Variants in PLCB4 observed in about 807,000 individuals in gnomAD.
PLCB4 encodes 1-phosphatidylinositol 4,5-bisphosphate phosphodiesterase beta-4.
A neutral mutation model predicts 178.8 loss-of-function variants in PLCB4; 77 were observed. The observed-to-expected ratio is 0.43, with a 90% CI of 0.36 to 0.52. PLCB4 has a LOEUF of 0.52. Among genes scored for constraint, PLCB4 ranks in the 20% least tolerant of loss-of-function variants. PLCB4 has a pLI of 0.00. For synonymous variants in PLCB4, 496 were observed against 490.8 expected (o/e 1.01, Z -0.14); for missense variants, 1,024 against 1,453.4 (o/e 0.70, Z 4.80).
chr20:9,098,741 A>ATGTGTGAG (rs2091021207), intron 2 of PLCB4, among the ~76,000 whole-genome samples: 1 of 135,466 alleles, frequency 7.4e-6, no homozygotes, highest in Admixed American at 7.8e-5. Flanking sequence ...ATATACATAT[A>ATGTGTGAG]TGTGTGTGTG....
At chr20:9,159,128 G>T (rs1349149411) in intron 2 of PLCB4, among the ~76,000 whole-genome samples, 4 of 152,136 alleles carry the variant, frequency 2.6e-5, no homozygotes, top group African/African-American at 4.8e-5. Flanking sequence ...GTCTCTAGAA[G>T]GCCAGTTTAG....
In PLCB4 at chr20:9,366,771, A is replaced by G. The variant is rs565693843; in HGVS notation, c.503+1257A>G. On this transcript the variant is annotated intron_variant, in intron 9 of 39. Coordinates refer to ENST00000378473, the MANE Select transcript of PLCB4 (RefSeq NM_001377142.1). ...TTCGTGAACCTAAGCCCACAACCAG[A>G]ATCAAACATGGGTTCCCCAGATGCC... Among the ~76,000 whole-genome samples the G allele has an allele frequency of 8.5e-5, 13 of 152,342 alleles. No homozygotes were observed. The South Asian group carries it at 2.7e-3, about 32-fold the overall frequency.
intron 2 of PLCB4, among the ~76,000 whole-genome samples, chr20:9,130,342 C>T (rs1466614301): frequency 6.6e-6 from 1 of 152,154 alleles, no homozygotes; most frequent in African/African-American, 2.4e-5. Context: ...CCACACTCCC[C>T]ACACCAAAAA....
intron 2 of PLCB4, among the ~76,000 whole-genome samples, chr20:9,106,029 C>T (rs1025838250): frequency 5.9e-5 from 9 of 151,958 alleles, no homozygotes; most frequent in Admixed American, 6.6e-5. Context: ...GAGCATATAC[C>T]GGGAAAACAT....
At chr20:9,174,244 T>C (rs1030556492) in intron 2 of PLCB4, among the ~76,000 whole-genome samples, 11 of 151,954 alleles carry the variant, frequency 7.2e-5, no homozygotes, top group African/African-American at 2.2e-4. Context: ...CTTCAAGGAA[T>C]CCTCCTCCCT....
At chr20:9,250,819 G>A (rs148787753) in intron 3 of PLCB4, among the ~76,000 whole-genome samples, 1 of 152,128 alleles carries the variant, frequency 6.6e-6, no homozygotes, top group African/African-American at 2.4e-5. Context: ...TAGGCCATCA[G>A]GTGTTCTGTT....
chr20:9,232,576 T>C (rs1460408588), intron 3 of PLCB4, among the ~76,000 whole-genome samples: 1 of 152,132 alleles, frequency 6.6e-6, no homozygotes, highest in African/African-American at 2.4e-5. Flanking sequence ...TAGGAATTCT[T>C]CAACAGAAGT....
At chr20:9,439,937 G>T (rs1365093063) in intron 30 of PLCB4, among the ~76,000 whole-genome samples, 4 of 152,182 alleles carry the variant, frequency 2.6e-5, no homozygotes, top group Non-Finnish European at 5.9e-5. Flanking sequence ...AGGTTGTCTG[G>T]GTGGCTTTTC....
In PLCB4 at chr20:9,479,201, G is replaced by A. The variant is rs2044748791; in HGVS notation, c.*192G>A. ...GCATTTCCTTGGCCAAACAAAAATA[G>A]CTACAAATCCACAAAAATTTACTAT... On this transcript the variant is annotated 3_prime_UTR_variant, in exon 40 of 40. Coordinates refer to ENST00000378473, the MANE Select transcript of PLCB4 (RefSeq NM_001377142.1). The A allele has an allele frequency of 8.7e-6, 5 of 572,128 alleles. No homozygotes were observed. The highest frequency in any genetic ancestry group is 1.3e-5 in the Non-Finnish European group (4 of 319,268). 35.4% of individuals were successfully genotyped at this position (572,128 alleles called of 1,614,324 possible). A position where few individuals can be genotyped will look rare whatever the true frequency, so the allele number is the denominator to read the frequency against.
Position 9,135,665 on chromosome 20 carries a change from T to C in PLCB4, c.-79+39323T>C, listed in dbSNP as rs552887043. 4.7e-4 allele frequency among the ~76,000 whole-genome samples: 72 copies of C among 152,272 alleles called. 1 individual carries two copies. In the South Asian group the frequency reaches 0.014, roughly 29 times the overall value. On this transcript the variant is annotated intron_variant, in intron 2 of 39. Coordinates refer to ENST00000378473, the MANE Select transcript of PLCB4 (RefSeq NM_001377142.1). Reference sequence around the variant, plus strand: ...TTGTGAGTTTTAAAATGATTGGTTATATTTATGCTGTCAAACCTAGAAAAT... The same window carrying C: ...TTGTGAGTTTTAAAATGATTGGTTACATTTATGCTGTCAAACCTAGAAAAT...
At position 9,288,749 on chromosome 20, in the gene PLCB4, G is replaced by A. The variant is rs547723867; in HGVS notation, c.-15-19051G>A. On this transcript the variant is annotated intron_variant, in intron 3 of 39. Coordinates refer to ENST00000378473, the MANE Select transcript of PLCB4 (RefSeq NM_001377142.1). ...AAGGTAGGAGTTACATTCTGGAAAG[G>A]TTAAGAAAGATCAGGATCAACATAA... Among the ~76,000 whole-genome samples the A allele has an allele frequency of 5.9e-5, 9 of 152,108 alleles. No homozygotes were observed. The South Asian group carries it at 1.9e-3, about 32-fold the overall frequency.
chr20:9,427,396 AGAT>A (rs2041095876), intron 28 of PLCB4, among the ~76,000 whole-genome samples: 1 of 152,160 alleles, frequency 6.6e-6, no homozygotes, highest in Admixed American at 6.5e-5. Flanking sequence ...CATTTAGGAC[AGAT>A]GATTAGGAAT....
intron 12 of PLCB4, among the ~76,000 whole-genome samples, chr20:9,379,647 ATATTACC>A (rs1276474784): frequency 2.0e-5 from 3 of 152,108 alleles, no homozygotes; most frequent in Non-Finnish European, 2.9e-5. Context: ...TTAAATTAGT[ATATTACC>A]TATTTGAACT....
chr20:9,438,984 C>T (rs2041948937), intron 30 of PLCB4, among the ~76,000 whole-genome samples: 1 of 152,102 alleles, frequency 6.6e-6, no homozygotes. Flanking sequence ...TGAAATTCAG[C>T]TGGATAAGGA....
chr20:9,157,368 A>G (rs2092809794), intron 2 of PLCB4, among the ~76,000 whole-genome samples: 2 of 152,222 alleles, frequency 1.3e-5, no homozygotes, highest in Non-Finnish European at 2.9e-5. Context: ...AATTCTTGGG[A>G]TGCTGCATGA....
chr20:9,243,720 A>G lies in PLCB4; in HGVS notation c.-16+26268A>G, dbSNP rs557485149. Among the ~76,000 whole-genome samples, 384 of 152,294 alleles carry G rather than the reference A, an allele frequency of 2.5e-3. 5 individuals are homozygous for G. Among genetic ancestry groups the G allele is most frequent in the Non-Finnish European group, 3.4e-3 (233 of 68,026 alleles). On this transcript the variant is annotated intron_variant, in intron 3 of 39. Coordinates refer to ENST00000378473, the MANE Select transcript of PLCB4 (RefSeq NM_001377142.1). Reference sequence around the variant, plus strand: ...GGGAGGCAGCAAAGCAGAGGTGTTAATAGGATGCTTTAAAACCAGACCGCA... The same window carrying G: ...GGGAGGCAGCAAAGCAGAGGTGTTAGTAGGATGCTTTAAAACCAGACCGCA...
intron 2 of PLCB4, among the ~76,000 whole-genome samples, chr20:9,157,313 T>G (rs552768922): frequency 6.6e-6 from 1 of 152,270 alleles, no homozygotes; most frequent in South Asian, 2.1e-4. Flanking sequence ...GTGGCTATAA[T>G]TTAAACAAAA....
At chr20:9,131,865 T>G (rs943603057) in intron 2 of PLCB4, among the ~76,000 whole-genome samples, 1 of 152,194 alleles carries the variant, frequency 6.6e-6, no homozygotes, top group African/African-American at 2.4e-5. Context: ...TTTCTTGGAA[T>G]GCTGCTTCTT....
At chr20:9,255,316 C>T (rs1354885179) in intron 3 of PLCB4, among the ~76,000 whole-genome samples, 1 of 152,208 alleles carries the variant, frequency 6.6e-6, no homozygotes, top group African/African-American at 2.4e-5. Flanking sequence ...GTTCTTTTCA[C>T]TGCAGTATGC....
Sources: allele counts gnomAD v4.1 joint callset (sites outside exome capture counted in the v4.1 genomes callset), GRCh38; gene constraint gnomAD v4.1.1; transcripts MANE v1.5; gene names NCBI Gene and HGNC (gene_info 2026-07-23, HGNC 2026-07-21).